The following TTC28 variants were observed in gnomAD, a reference collection of about 807,000 sequenced individuals.
TTC28 encodes tetratricopeptide repeat domain 28.
TTC28 carries 61 observed loss-of-function variants against 198.0 expected under a neutral mutation model. The observed-to-expected ratio is 0.31, with a 90% CI of 0.25 to 0.38. TTC28 has a LOEUF of 0.38. Ranked by LOEUF, TTC28 falls within the 10% of genes least tolerant of loss-of-function variation. The probability of loss-of-function intolerance (pLI) is 1.00; values close to 1 mark genes in which losing one functional copy is unlikely to be tolerated. For missense variants in TTC28, 2,678 were observed against 3,164.0 expected, an observed-to-expected ratio of 0.85 and a Z score of 3.69; for synonymous variants, 1,171 against 1,297.8, an observed-to-expected ratio of 0.90 and a Z score of 2.10.
intron 2 of TTC28, among the ~76,000 whole-genome samples, chr22:28,556,855 A>C (rs778488167): frequency 6.6e-6 from 1 of 152,182 alleles, no homozygotes; most frequent in African/African-American, 2.4e-5. Context: ...AGGAGGGCTC[A>C]ATTCTTCTCC....
At chr22:28,004,850 A>G (rs542572916) in intron 14 of TTC28, among the ~76,000 whole-genome samples, 2 of 152,234 alleles carry the variant, frequency 1.3e-5, no homozygotes, top group Admixed American at 6.5e-5. Flanking sequence ...CGATATCTCT[A>G]TTCAGCTTAC....
At chr22:28,412,088 T>C (rs1303668822) in intron 2 of TTC28, among the ~76,000 whole-genome samples, 2 of 152,248 alleles carry the variant, frequency 1.3e-5, no homozygotes, top group Admixed American at 6.5e-5. Flanking sequence ...TCCCCTGTTT[T>C]AGTTGGTGAA....
chr22:28,356,314 C>T (rs2046076939), intron 2 of TTC28, among the ~76,000 whole-genome samples: 1 of 152,170 alleles, frequency 6.6e-6, no homozygotes, highest in African/African-American at 2.4e-5. Flanking sequence ...GGATTCTCCT[C>T]TATTCTATCC....
intron 2 of TTC28, among the ~76,000 whole-genome samples, chr22:28,311,916 T>C (rs893031625): frequency 1.3e-5 from 2 of 151,752 alleles, no homozygotes; most frequent in Non-Finnish European, 1.5e-5. Context: ...GACTGGCAAA[T>C]TGGATAAAGA....
At chr22:28,313,673 T>C (rs1391359532) in intron 2 of TTC28, among the ~76,000 whole-genome samples, 3 of 152,210 alleles carry the variant, frequency 2.0e-5, no homozygotes, top group Admixed American at 6.5e-5. Flanking sequence ...CCTTTCATGC[T>C]AAAACCTCTC....
intron 6 of TTC28, among the ~76,000 whole-genome samples, chr22:28,140,131 C>T (rs1035012564): frequency 6.6e-6 from 1 of 152,164 alleles, no homozygotes; most frequent in African/African-American, 2.4e-5. Flanking sequence ...TGACTCTCTG[C>T]AGGGTTGTTG....
chr22:28,406,420 G>C (rs1257728632), intron 2 of TTC28, among the ~76,000 whole-genome samples: 1 of 152,188 alleles, frequency 6.6e-6, no homozygotes, highest in African/African-American at 2.4e-5. Context: ...CACGGCAAAT[G>C]TTTTCCCAAA....
chr22:28,551,599 C>T (rs1280005191), intron 2 of TTC28, among the ~76,000 whole-genome samples: 1 of 152,104 alleles, frequency 6.6e-6, no homozygotes, highest in African/African-American at 2.4e-5. Flanking sequence ...ATGTGTTATA[C>T]CACATAAACA....
chr22:28,590,277 A>G (rs1045937260), intron 2 of TTC28, among the ~76,000 whole-genome samples: 8 of 150,934 alleles, frequency 5.3e-5, no homozygotes, highest in East Asian at 2.0e-4. Flanking sequence ...ACAGGCGCCC[A>G]CCACCACACC....
intron 12 of TTC28, among the ~76,000 whole-genome samples, chr22:28,092,037 A>T (rs1941830695): frequency 6.6e-6 from 1 of 152,128 alleles, no homozygotes; most frequent in Non-Finnish European, 1.5e-5. Context: ...CTTGGTGGAG[A>T]AGATCTCTCA....
At chr22:28,644,156 T>A (rs2051415633) in intron 1 of TTC28, among the ~76,000 whole-genome samples, 1 of 151,830 alleles carries the variant, frequency 6.6e-6, no homozygotes, top group South Asian at 2.1e-4. Flanking sequence ...TCCCAGCACT[T>A]TGGGAGGCCG....
intron 9 of TTC28, among the ~76,000 whole-genome samples, chr22:28,099,279 A>C (rs1345764295): frequency 1.3e-5 from 2 of 152,234 alleles, no homozygotes; most frequent in African/African-American, 2.4e-5. Context: ...ACAGGCTCAC[A>C]ACTCCACTCA....
In TTC28 at chr22:28,598,577, C is replaced by T. The variant is rs546023892; in HGVS notation, c.381+30975G>A. On this transcript the variant is annotated intron_variant, in intron 2 of 22. Coordinates refer to ENST00000397906, the MANE Select transcript of TTC28 (RefSeq NM_001145418.2). ...ATGGAGGTAAGTTACCTGAAGATCA[C>T]CTGAAGATAAATTTTTAAAATGCAT... 3.4e-5 allele frequency among the ~76,000 whole-genome samples: 5 copies of T among 148,276 alleles called. No individual in the cohort carries two copies. The East Asian group carries it at 7.8e-4, about 23-fold the overall frequency.
intron 2 of TTC28, among the ~76,000 whole-genome samples, chr22:28,454,503 T>A (rs2047829008): frequency 6.6e-6 from 1 of 152,058 alleles, no homozygotes; most frequent in South Asian, 2.1e-4. Flanking sequence ...CAAAAAGAGG[T>A]CATTCCCCTT....
chr22:27,995,108 CCCAGGT>C (rs1178882384), intron 17 of TTC28, among the ~76,000 whole-genome samples: 1 of 152,182 alleles, frequency 6.6e-6, no homozygotes. Flanking sequence ...CATGCCCAGG[CCCAGGT>C]GCCAGGGTTC....
chr22:28,372,050 T>C (rs1390917325), intron 2 of TTC28, among the ~76,000 whole-genome samples: 1 of 152,014 alleles, frequency 6.6e-6, no homozygotes, highest in Non-Finnish European at 1.5e-5. Context: ...ATTGTGCCCA[T>C]GCACTCCAGC....
At chr22:28,248,444 G>A (rs1930267843) in intron 5 of TTC28, among the ~76,000 whole-genome samples, 2 of 152,096 alleles carry the variant, frequency 1.3e-5, no homozygotes, top group South Asian at 4.1e-4. Context: ...ATTTAAAACA[G>A]AATACAATTC....
chr22:28,428,050 AAATT>A (rs1346387941), intron 2 of TTC28, among the ~76,000 whole-genome samples: 2 of 152,156 alleles, frequency 1.3e-5, no homozygotes, highest in African/African-American at 2.4e-5. Flanking sequence ...AAGAAAAAAC[AAATT>A]AATATAGGTA....
At chr22:28,157,859 A>T (rs546250741) in intron 6 of TTC28, among the ~76,000 whole-genome samples, 1 of 152,220 alleles carries the variant, frequency 6.6e-6, no homozygotes, top group Non-Finnish European at 1.5e-5. Context: ...CTGGAACACG[A>T]CAAGGATGCC....
Sources: allele counts gnomAD v4.1 joint callset (sites outside exome capture counted in the v4.1 genomes callset), GRCh38; gene constraint gnomAD v4.1.1; transcripts MANE v1.5; gene names NCBI Gene and HGNC (gene_info 2026-07-23, HGNC 2026-07-21).